GRAMD1C: variants seen among roughly 807,000 people sequenced by gnomAD.
GRAMD1C encodes protein Aster-C.
A neutral mutation model predicts 97.8 loss-of-function variants in GRAMD1C; 89 were observed. The observed-to-expected ratio is 0.91, with a 90% confidence interval of 0.77 to 1.09. The LOEUF is 1.09. Ranked by LOEUF, GRAMD1C falls within the 50% of genes least tolerant of loss-of-function variation. The probability of loss-of-function intolerance (pLI) is 0.00; values close to 1 mark genes in which losing one functional copy is unlikely to be tolerated. For missense variants in GRAMD1C, 740 were observed against 766.4 expected (o/e 0.97, Z 0.41); for synonymous variants, 256 against 267.0 (o/e 0.96, Z 0.40).
Position 113,904,005 on chromosome 3 carries a change from C to T in GRAMD1C, c.657-135C>T, listed in dbSNP as rs762857848. On this transcript the variant is annotated intron_variant, in intron 7 of 17. Coordinates refer to ENST00000358160, the MANE Select transcript of GRAMD1C (RefSeq NM_017577.5). The stretch of plus-strand genomic sequence containing the variant: ...AGAAGATAGCCTTGTTATAAGTAAA[C>T]ATTTATTTGCTATATTACAGTAGTC... 14 of 549,646 alleles carry T rather than the reference C, an allele frequency of 2.5e-5. No individual in the cohort carries two copies. In the East Asian group the frequency reaches 4.2e-4, roughly 17 times the overall value. The allele number at this position is 549,646 out of a possible 1,614,324, so 34.0% of individuals were successfully genotyped here.
intron 9 of GRAMD1C, among the ~76,000 whole-genome samples, chr3:113,914,988 C>T (rs927404820): frequency 6.6e-6 from 1 of 152,134 alleles, no homozygotes; most frequent in African/African-American, 2.4e-5. Context: ...TATAATATTT[C>T]CAGGGCATAT....
chr3:113,836,633 T>C (rs1190834115), upstream of GRAMD1C, among the ~76,000 whole-genome samples: 3 of 150,292 alleles, frequency 2.0e-5, no homozygotes, highest in Non-Finnish European at 2.9e-5. Flanking sequence ...CAAGTTATTA[T>C]TATTATTATT....
At chr3:113,897,864 G>A (rs1378523588) in intron 6 of GRAMD1C, 5 of 409,018 alleles carry the variant, frequency 1.2e-5, no homozygotes, top group Non-Finnish European at 1.6e-5. Context: ...AGACTACTAA[G>A]GTAGATTATT....
At chr3:113,905,332 C>T (rs1936331497) in intron 8 of GRAMD1C, among the ~76,000 whole-genome samples, 1 of 152,170 alleles carries the variant, frequency 6.6e-6, no homozygotes, top group Admixed American at 6.6e-5. Context: ...CTGCTCCAGA[C>T]CGTTTTCTTA....
chr3:113,838,924 G>A lies in GRAMD1C; in HGVS notation c.15G>A (p.Pro5=), dbSNP rs1385141347. Residue 5 remains proline (P), a synonymous_variant, in exon 1 of 18, where the codon CCG becomes CCA. Transcript: ENST00000358160. MEGA[P]TVRQVMNEGD... ...AGGGAGCCGCGATGGAGGGCGCTCC[G>A]ACTGTCCGTCAGGTAAGCCGCGGGC... 2 of 1,179,726 alleles carry A rather than the reference G, an allele frequency of 1.7e-6. No homozygotes were observed. Among genetic ancestry groups the A allele is most frequent in the Non-Finnish European group, 2.1e-6 (2 of 967,912 alleles). The allele number at this position is 1,179,726 out of a possible 1,614,324, so 73.1% of individuals were successfully genotyped here.
chr3:113,901,581 G>T (rs1936173856), intron 7 of GRAMD1C, among the ~76,000 whole-genome samples: 1 of 152,202 alleles, frequency 6.6e-6, no homozygotes, highest in Non-Finnish European at 1.5e-5. Context: ...AATGGAAGGA[G>T]CATATAGCCT....
intron 2 of GRAMD1C, among the ~76,000 whole-genome samples, chr3:113,850,887 C>T (rs560353603): frequency 4.0e-3 from 2 of 506 alleles, no homozygotes; most frequent in South Asian, 0.33. Context: ...CTGCAAACTC[C>T]GCTTCCCCGG....
chr3:113,885,700 AG>A (rs1210495508), intron 6 of GRAMD1C: 1 of 1,530,560 alleles, frequency 6.5e-7, no homozygotes, highest in Non-Finnish European at 9.0e-7. Context: ...GAAAGCATGG[AG>A]ATCTATGGCT....
intron 6 of GRAMD1C, among the ~76,000 whole-genome samples, chr3:113,896,608 T>C (rs1427646322): frequency 6.6e-6 from 1 of 152,238 alleles, no homozygotes; most frequent in Non-Finnish European, 1.5e-5. Context: ...CAATGAGAAC[T>C]ACCATAATAT....
At chr3:113,934,596 T>G (rs892679492) in intron 13 of GRAMD1C, 61 bp downstream of exon 13, 1 of 751,498 alleles carries the variant, frequency 1.3e-6, no homozygotes, top group East Asian at 2.7e-5. Flanking sequence ...CAAAATGGAT[T>G]GATTCTTCAT....
At chr3:113,828,499 G>T (rs574938211) in intron 1 of GRAMD1C, among the ~76,000 whole-genome samples, 1 of 152,238 alleles carries the variant, frequency 6.6e-6, no homozygotes, top group Admixed American at 6.5e-5. Context: ...ATAGTAGCTG[G>T]AGCACCAATG....
At chr3:113,898,747 C>G (rs184371590) in intron 6 of GRAMD1C, among the ~76,000 whole-genome samples, 1 of 152,014 alleles carries the variant, frequency 6.6e-6, no homozygotes, top group Admixed American at 6.5e-5. Flanking sequence ...TAGTTCAGCT[C>G]GAAACAGAGG....
intron 17 of GRAMD1C, among the ~76,000 whole-genome samples, chr3:113,943,370 C>G (rs929269525): frequency 1.3e-5 from 2 of 152,154 alleles, no homozygotes; most frequent in African/African-American, 4.8e-5. Flanking sequence ...TTTTTATTCA[C>G]AAGGTTGTGC....
At chr3:113,885,355 C>G (rs1935431991) in intron 6 of GRAMD1C, 1 of 1,594,114 alleles carries the variant, frequency 6.3e-7, no homozygotes, top group Admixed American at 1.7e-5. Flanking sequence ...CGCTGCCAAG[C>G]TCTGGAGCTT....
chr3:113,853,717 A>C (rs1934003856), intron 2 of GRAMD1C, among the ~76,000 whole-genome samples: 1 of 152,244 alleles, frequency 6.6e-6, no homozygotes, highest in African/African-American at 2.4e-5. Flanking sequence ...ATAACTAAAC[A>C]AACATGTACT....
chr3:113,926,925 A>G (rs1388867721), intron 10 of GRAMD1C, among the ~76,000 whole-genome samples: 4 of 152,128 alleles, frequency 2.6e-5, no homozygotes, highest in Non-Finnish European at 5.9e-5. Flanking sequence ...TCCACTGGCC[A>G]CAATACTCCA....
In GRAMD1C at chr3:113,904,267, A is replaced by G. The variant is rs1936275030; in HGVS notation, c.784A>G (p.Lys262Glu). ...AGAGTCATTCGATGGAAATTCATCA[A>G]AAGGAGTTAGTATATGATATCCCTT... ...ETESFDGNSS[K>E]GGLGKEESQN... The change falls in exon 8 of 18, where the codon AAA becomes GAA. Residue 262 changes from lysine (K) to glutamate (E), a missense_variant. By Grantham distance (56) the Lys-to-Glu change is moderately conservative. Transcript: ENST00000358160. The G allele has an allele frequency of 6.3e-7, 1 of 1,599,056 alleles. No individual in the cohort carries two copies. Among genetic ancestry groups the G allele is most frequent in the Non-Finnish European group, 8.6e-7 (1 of 1,166,444 alleles).
At chr3:113,857,828 C>A (rs1934209701) in intron 2 of GRAMD1C, among the ~76,000 whole-genome samples, 1 of 152,002 alleles carries the variant, frequency 6.6e-6, no homozygotes, top group South Asian at 2.1e-4. Context: ...ATTGAACCAG[C>A]CTTGGATGCT....
rs565848700 is a variant in GRAMD1C, at chr3:113,936,147, G to T, written c.1457-119G>T. 44 of 604,536 alleles carry T rather than the reference G, an allele frequency of 7.3e-5. 1 individual carries two copies. The highest frequency in any genetic ancestry group is 6.7e-4 in the African/African-American group (36 of 53,500). The allele number at this position is 604,536 out of a possible 1,614,324, so 37.4% of individuals were successfully genotyped here. ...CATTAAGTGTAAAATTTGAATCTAG[G>T]TCATAAGAACCTAAGGAATTTGTTA... On this transcript the variant is annotated intron_variant, in intron 13 of 17. Coordinates refer to ENST00000358160, the MANE Select transcript of GRAMD1C (RefSeq NM_017577.5).
Sources: allele counts gnomAD v4.1 joint callset (sites outside exome capture counted in the v4.1 genomes callset), GRCh38; gene constraint gnomAD v4.1.1; transcripts MANE v1.5; gene names NCBI Gene and HGNC (gene_info 2026-07-23, HGNC 2026-07-21).